The following MON1A variants were observed in gnomAD, a reference collection of about 807,000 sequenced individuals.
MON1A encodes vacuolar fusion protein MON1 homolog A.
MON1A carries 29 observed loss-of-function variants against 44.6 expected under a neutral mutation model. The observed-to-expected ratio is 0.65, with a 90% CI of 0.48 to 0.89. MON1A has a LOEUF of 0.89. Among genes scored for constraint, MON1A ranks in the 40% least tolerant of loss-of-function variants. The probability of loss-of-function intolerance (pLI) is 0.00; values close to 1 mark genes in which losing one functional copy is unlikely to be tolerated. For missense variants in MON1A, 615 were observed against 759.6 expected (o/e 0.81, Z 2.24); for synonymous variants, 275 against 316.4 (o/e 0.87, Z 1.39).
At chr3:49,920,570 T>G (rs2082987185) in intron 1 of MON1A, 1 of 152,170 alleles carries the variant, frequency 6.6e-6, no homozygotes, top group Non-Finnish European at 1.5e-5. Context: ...CCAGGCGTGG[T>G]GGCTCTCACC....
Position 49,910,205 on chromosome 3 carries a change from G to A in MON1A, c.1293C>T (p.Arg431=). 6.2e-7 allele frequency: 1 copy of A among 1,614,136 alleles called. No individual in the cohort carries two copies. The highest frequency in any genetic ancestry group is 8.5e-7 in the Non-Finnish European group (1 of 1,180,030). ...CTTGGGCAACGCTGTAGTAGGGTGT[G>A]CGCAGTGCCTCTCGCAGGGCCAGGT... is the stretch of plus-strand genomic sequence containing the variant. ...GAHLALREAL[R]TPYYSVAQVG... is the part of the protein sequence containing the mutation. The change falls in exon 4 of 6, where the codon CGC becomes CGT. Residue 431 remains arginine (R), a synonymous_variant. Coordinates refer to ENST00000296473, the MANE Select transcript of MON1A (RefSeq NM_032355.4). The surrounding 1 kb of genome is among the most constrained non-coding windows in gnomAD (Gnocchi z 8.0).
At position 49,912,771 on chromosome 3, in the gene MON1A, T is replaced by C. The variant is rs79366151; in HGVS notation, c.127+449A>G. The C allele has an allele frequency of 2.2e-3, 596 of 270,134 alleles. 4 individuals are homozygous for C. Among genetic ancestry groups the C allele is most frequent in the African/African-American group, 0.012 (524 of 45,404 alleles). The allele number at this position is 270,134 out of a possible 1,614,324, so 16.7% of individuals were successfully genotyped here. On this transcript the variant is annotated intron_variant, in intron 2 of 5. Transcript: ENST00000296473. ...TTAACAGATATATTTTGAGTCTCTCTTGCGAATTCAGCCCTGTACCAGGCA... is the reference window on the plus strand; with the variant it reads ...TTAACAGATATATTTTGAGTCTCTCCTGCGAATTCAGCCCTGTACCAGGCA...
intron 1 of MON1A, among the ~76,000 whole-genome samples, chr3:49,918,618 G>A (rs2082969014): frequency 6.6e-6 from 1 of 151,804 alleles, no homozygotes; most frequent in Non-Finnish European, 1.5e-5. Flanking sequence ...TACCATGTTG[G>A]CCAGGCTGGT....
chr3:49,916,498 G>A (rs1259652985), intron 1 of MON1A: 1 of 152,230 alleles, frequency 6.6e-6, no homozygotes, highest in African/African-American at 2.4e-5. Flanking sequence ...AGCTGGCCTG[G>A]TGGCCACTCC....
chr3:49,918,694 G>A (rs535223190), intron 1 of MON1A, among the ~76,000 whole-genome samples: 16 of 152,186 alleles, frequency 1.1e-4, no homozygotes, highest in African/African-American at 3.9e-4. Flanking sequence ...TTACAGGCAT[G>A]AGCCACCGTG....
At chr3:49,921,540 G>A (rs2082996366) in intron 1 of MON1A, among the ~76,000 whole-genome samples, 1 of 151,088 alleles carries the variant, frequency 6.6e-6, no homozygotes, top group African/African-American at 2.4e-5. Context: ...GGAGGCTGAG[G>A]TGGGCGGATC....
At chr3:49,923,436 A>AAAGG (rs1199420141) in intron 1 of MON1A, among the ~76,000 whole-genome samples, 1 of 150,370 alleles carries the variant, frequency 6.7e-6, no homozygotes, top group Non-Finnish European at 1.5e-5. Context: ...AGAAAGAAAG[A>AAAGG]AAGGAAGGGA....
chr3:49,921,728 C>T (rs978253751), intron 1 of MON1A, among the ~76,000 whole-genome samples: 1 of 151,390 alleles, frequency 6.6e-6, no homozygotes, highest in African/African-American at 2.4e-5. Context: ...CACCACCCCA[C>T]CATGCACTAC....
intron 1 of MON1A, among the ~76,000 whole-genome samples, chr3:49,914,891 G>A (rs1419710734): frequency 6.6e-6 from 1 of 151,950 alleles, no homozygotes; most frequent in Non-Finnish European, 1.5e-5. Flanking sequence ...ATGTTGCCCT[G>A]GCTGGTCTCA....
chr3:49,928,206 G>C (rs975987356), intron 1 of MON1A, among the ~76,000 whole-genome samples: 4 of 152,182 alleles, frequency 2.6e-5, no homozygotes, highest in Admixed American at 2.6e-4. Flanking sequence ...CAGTATCTCA[G>C]CATCTCCTAG....
In MON1A at chr3:49,918,642, C is replaced by A. The variant is rs940708434; in HGVS notation, c.-13-5283G>T. Among the ~76,000 whole-genome samples the A allele has an allele frequency of 2.4e-4, 37 of 151,820 alleles. 1 individual carries two copies. The highest frequency in any genetic ancestry group is 3.2e-3 in the Middle Eastern group (1 of 316). On this transcript the variant is annotated intron_variant, in intron 1 of 5. Coordinates refer to ENST00000296473, the MANE Select transcript of MON1A (RefSeq NM_032355.4). ...GGCCAGGCTGGTCTCAAACTCCTGA[C>A]CTCAAATGATCCACCCGCCTCAGTC...
At position 49,910,437 on chromosome 3, in the gene MON1A, G is replaced by A. The variant is rs1415405586; in HGVS notation, c.1061C>T (p.Ser354Phe). Reference sequence around the variant, plus strand: ...CTCGCCCTCGCGAAAGGACGAGGAGGAACTAATGAGGTTGAAGAGCAGGTG... The same window carrying A: ...CTCGCCCTCGCGAAAGGACGAGGAGAAACTAATGAGGTTGAAGAGCAGGTG... ...DLHLLFNLIS[S>F]SSSFREGEAW... The change falls in exon 4 of 6, where the codon TCC becomes TTC. Residue 354 changes from serine (S) to phenylalanine (F), a missense_variant. Coordinates refer to ENST00000296473, the MANE Select transcript of MON1A (RefSeq NM_032355.4). This position sits in a 1 kb window ranked among gnomAD's most constrained non-coding sequence, Gnocchi z 8.0. The A allele has an allele frequency of 6.2e-7, 1 of 1,614,240 alleles. No individual in the cohort carries two copies. The highest frequency in any genetic ancestry group is 1.1e-5 in the South Asian group (1 of 91,086).
intron 1 of MON1A, among the ~76,000 whole-genome samples, chr3:49,914,771 C>T (rs1400110192): frequency 2.6e-5 from 4 of 151,828 alleles, no homozygotes; most frequent in Non-Finnish European, 2.9e-5. Context: ...TGGTCTTGAA[C>T]TCCTGACCTT....
chr3:49,913,544 A>G (rs1395916600), intron 1 of MON1A, among the ~76,000 whole-genome samples, 185 bp from the exon 2 acceptor site: 1 of 151,878 alleles, frequency 6.6e-6, no homozygotes, highest in Non-Finnish European at 1.5e-5. Flanking sequence ...TAAAAGGAAG[A>G]CATATTCATT....
chr3:49,927,559 G>GC (rs776427686), intron 1 of MON1A, among the ~76,000 whole-genome samples: 3 of 152,066 alleles, frequency 2.0e-5, no homozygotes, highest in Non-Finnish European at 4.4e-5. Flanking sequence ...AGCCAGGTGG[G>GC]CCCTAGCCTG....
chr3:49,917,624 ACTC>A (rs1553631518), intron 1 of MON1A, among the ~76,000 whole-genome samples: 1 of 151,378 alleles, frequency 6.6e-6, no homozygotes, highest in Non-Finnish European at 1.5e-5. Context: ...TCACTTTCCT[ACTC>A]CTCTAGTCAA....
chr3:49,924,144 C>T (rs1188711064), intron 1 of MON1A: 2 of 151,510 alleles, frequency 1.3e-5, no homozygotes, highest in Non-Finnish European at 2.9e-5. Flanking sequence ...TTTTTCCCCA[C>T]ACCTCATATA....
At chr3:49,914,212 T>G (rs1161728165) in intron 1 of MON1A, among the ~76,000 whole-genome samples, 1 of 150,002 alleles carries the variant, frequency 6.7e-6, no homozygotes, top group Non-Finnish European at 1.5e-5. Flanking sequence ...TGCCTCAGCC[T>G]CCCGGGGTAG....
rs1051691261 is a variant in MON1A at position 49,909,189 on chromosome 3, G to A, written c.1528-35C>T. Reference sequence around the variant, plus strand: ...GGGCAAAGGGTCGTCATCTAGGTTAGAGGCCCCTCATGGCCCATACCTAGG... The same window carrying A: ...GGGCAAAGGGTCGTCATCTAGGTTAAAGGCCCCTCATGGCCCATACCTAGG... On this transcript the variant is annotated intron_variant, in intron 5 of 5. Coordinates refer to ENST00000296473, the MANE Select transcript of MON1A (RefSeq NM_032355.4). This position sits in a 1 kb window ranked among gnomAD's most constrained non-coding sequence, Gnocchi z 4.0. The A allele has an allele frequency of 6.2e-7, 1 of 1,611,180 alleles. No homozygotes were observed. The highest frequency in any genetic ancestry group is 1.3e-5 in the African/African-American group (1 of 74,918).
Sources: allele counts gnomAD v4.1 joint callset (sites outside exome capture counted in the v4.1 genomes callset), GRCh38; gene constraint gnomAD v4.1.1; non-coding constraint Gnocchi (gnomAD v3.1); transcripts MANE v1.5; gene names NCBI Gene and HGNC (gene_info 2026-07-23, HGNC 2026-07-21).